The following PPFIBP2 variants were observed in gnomAD, a reference collection of about 807,000 sequenced individuals.
PPFIBP2 encodes the protein liprin-beta-2.
In PPFIBP2, 118 loss-of-function variants were observed where a neutral mutation model predicts 118.3. That is an observed-to-expected ratio of 1.00 (90% CI 0.86 to 1.16). The LOEUF is 1.16. Among genes scored for constraint, PPFIBP2 ranks in the 50% most tolerant of loss-of-function variants. The probability of loss-of-function intolerance (pLI) is 0.00; values close to 1 mark genes in which losing one functional copy is unlikely to be tolerated. For synonymous variants in PPFIBP2, 414 were observed against 397.4 expected, an observed-to-expected ratio of 1.04 and a Z score of -0.50; for missense variants, 1,195 against 1,073.1, an observed-to-expected ratio of 1.11 and a Z score of -1.59.
intron 1 of PPFIBP2, among the ~76,000 whole-genome samples, chr11:7,518,893 G>A (rs575796967): frequency 6.6e-6 from 1 of 152,232 alleles, no homozygotes; most frequent in Non-Finnish European, 1.5e-5. Flanking sequence ...AGAGAAGGAA[G>A]AAGTCAGAAG....
intron 23 of PPFIBP2, 100 bp downstream of exon 23, chr11:7,651,944 G>A (rs977503150): frequency 5.1e-6 from 6 of 1,177,340 alleles, no homozygotes; most frequent in Admixed American, 2.2e-5. Context: ...AGCATGCGCA[G>A]CCTGGACAAA....
At position 7,641,527 on chromosome 11, in the gene PPFIBP2, C is replaced by G; in HGVS notation, c.1424C>G (p.Ser475Ter). 1 of 1,613,606 alleles carries G rather than the reference C, an allele frequency of 6.2e-7. No individual in the cohort carries two copies. Among genetic ancestry groups the G allele is most frequent in the Non-Finnish European group, 8.5e-7 (1 of 1,179,468 alleles). Residue 475 changes from serine (S) to a stop codon, truncating the protein, a stop_gained, in exon 16 of 24, where the codon TCA becomes TGA. Coordinates refer to ENST00000299492, the MANE Select transcript of PPFIBP2 (RefSeq NM_003621.5). LOFTEE classifies it high-confidence loss of function. ...GACACTGCTGTGGTCAATGACCTCTCATCCACATCATCGGGCACTGAATCA... is the reference window on the plus strand; with the variant it reads ...GACACTGCTGTGGTCAATGACCTCTGATCCACATCATCGGGCACTGAATCA... ...WDDTAVVNDL[S>*]STSSGTESGP...
chr11:7,528,887 A>C (rs757015678), intron 1 of PPFIBP2, among the ~76,000 whole-genome samples: 81 of 152,306 alleles, frequency 5.3e-4, no homozygotes, highest in Admixed American at 2.0e-3. Flanking sequence ...AGGTCTGCCC[A>C]GGGCCCAGTT....
chr11:7,556,003 T>C (rs112032888), intron 2 of PPFIBP2, among the ~76,000 whole-genome samples: 3,263 of 152,332 alleles, frequency 0.021, 47 homozygotes, highest in South Asian at 0.042. Flanking sequence ...TCCATTTTAC[T>C]GAGGCTTTCC....
chr11:7,610,257 G>C, intron 5 of PPFIBP2, 34 bp from the exon 6 acceptor site: 3 of 1,606,220 alleles, frequency 1.9e-6, no homozygotes, highest in Non-Finnish European at 2.6e-6. Context: ...TTGCCATAGT[G>C]GTTTCTGATT....
At chr11:7,550,329 G>C (rs946794546) in intron 2 of PPFIBP2, among the ~76,000 whole-genome samples, 1 of 152,230 alleles carries the variant, frequency 6.6e-6, no homozygotes, top group Non-Finnish European at 1.5e-5. Flanking sequence ...CTGGAAGAGA[G>C]CGTGGAGGAA....
the PPFIBP2 span, chr11:7,666,453 A>C: frequency 3.1e-6 from 5 of 1,606,874 alleles, no homozygotes; most frequent in African/African-American, 6.7e-5. Context: ...TGTCGTACCA[A>C]TGGGAGGCCT....
downstream of PPFIBP2, among the ~76,000 whole-genome samples, chr11:7,661,039 T>C (rs575245478): frequency 1.9e-3 from 293 of 151,942 alleles, 2 homozygotes; most frequent in African/African-American, 6.8e-3. Context: ...CTTCTCTCTT[T>C]TTTTCTTTAT....
chr11:7,653,757 G>A (rs896185686), downstream of PPFIBP2: 14 of 1,208,260 alleles, frequency 1.2e-5, no homozygotes, highest in African/African-American at 2.2e-4. Flanking sequence ...TATGCGGAAA[G>A]CAAGCAGCTC....
intron 3 of PPFIBP2, among the ~76,000 whole-genome samples, chr11:7,576,132 T>C (rs1261532546): frequency 6.6e-6 from 1 of 152,182 alleles, no homozygotes; most frequent in Non-Finnish European, 1.5e-5. Flanking sequence ...ATGAGGGGCA[T>C]GAAGGACTGC....
intron 7 of PPFIBP2, among the ~76,000 whole-genome samples, chr11:7,624,863 A>G (rs997629480): frequency 6.6e-6 from 1 of 152,236 alleles, no homozygotes; most frequent in Non-Finnish European, 1.5e-5. Flanking sequence ...TGAGACTCAG[A>G]AAGGTTAACT....
At chr11:7,519,700 G>C (rs72848063) in intron 1 of PPFIBP2, among the ~76,000 whole-genome samples, 3 of 152,200 alleles carry the variant, frequency 2.0e-5, no homozygotes, top group Non-Finnish European at 4.4e-5. Flanking sequence ...ACAGCCGGAC[G>C]GAGACGATAA....
intron 4 of PPFIBP2, among the ~76,000 whole-genome samples, chr11:7,595,460 T>C (rs1028071319): frequency 6.6e-6 from 1 of 152,276 alleles, no homozygotes; most frequent in Non-Finnish European, 1.5e-5. Context: ...AAGTCCTGTG[T>C]AATAATGCTC....
chr11:7,640,939 T>C (rs752867155), intron 15 of PPFIBP2: 26 of 1,031,926 alleles, frequency 2.5e-5, no homozygotes, highest in Non-Finnish European at 3.3e-5. Context: ...GACACTCTTT[T>C]GTTTATTTCT....
intron 4 of PPFIBP2, among the ~76,000 whole-genome samples, chr11:7,595,578 C>T (rs1380770379): frequency 1.3e-5 from 2 of 152,146 alleles, no homozygotes; most frequent in Non-Finnish European, 2.9e-5. Context: ...GAAGTTGACC[C>T]TAGTAGTTTC....
intron 3 of PPFIBP2, among the ~76,000 whole-genome samples, chr11:7,589,322 G>A (rs1027492305): frequency 2.6e-5 from 4 of 152,114 alleles, no homozygotes; most frequent in African/African-American, 7.2e-5. Flanking sequence ...GGCCAGGCAC[G>A]GTGGCTCATG....
chr11:7,525,471 G>T (rs906339815), intron 1 of PPFIBP2, among the ~76,000 whole-genome samples: 2 of 152,210 alleles, frequency 1.3e-5, no homozygotes, highest in African/African-American at 4.8e-5. Context: ...TGAAATTTCA[G>T]GTGGGAAGTT....
chr11:7,531,345 C>G (rs987928635), intron 1 of PPFIBP2, among the ~76,000 whole-genome samples: 1 of 152,140 alleles, frequency 6.6e-6, no homozygotes, highest in African/African-American at 2.4e-5. Context: ...GCCCAGGGCT[C>G]TTGGCCCTTG....
chr11:7,665,277 G>A, the PPFIBP2 span: 1 of 1,102,780 alleles, frequency 9.1e-7, no homozygotes, highest in Non-Finnish European at 1.3e-6. Context: ...TACATGGCAA[G>A]GCACTTTTGA....
Sources: allele counts gnomAD v4.1 joint callset (sites outside exome capture counted in the v4.1 genomes callset), GRCh38; gene constraint gnomAD v4.1.1; transcripts MANE v1.5; gene names NCBI Gene and HGNC (gene_info 2026-07-23, HGNC 2026-07-21).